TAB3: variants seen among roughly 807,000 people sequenced by gnomAD.
TAB3 encodes the protein TGF-beta-activated kinase 1 and MAP3K7-binding protein 3.
In TAB3, 18 loss-of-function variants were observed where a neutral mutation model predicts 48.1. The ratio of observed to expected loss-of-function variants is 0.37; its 90% confidence interval spans 0.26 to 0.55. The LOEUF (loss-of-function observed/expected upper bound fraction) is 0.55, where lower values mean the gene tolerates loss of function less well. Ranked by LOEUF, TAB3 falls within the 20% of genes least tolerant of loss-of-function variation. The pLI is 0.78. For missense variants in TAB3, 414 were observed against 549.8 expected (o/e 0.75, Z 2.47); for synonymous variants, 185 against 190.2 (o/e 0.97, Z 0.22).
chrX:30,828,033 T>C lies in TAB3; in HGVS notation c.*3394A>G, dbSNP rs1937936523. The C allele has an allele frequency of 8.9e-6, 1 of 112,307 alleles. No homozygotes were observed. 9.3% of individuals were successfully genotyped at this position (112,307 alleles called of 1,213,427 possible). A position where few individuals can be genotyped will look rare whatever the true frequency, so the allele number is the denominator to read the frequency against. On this transcript the variant is annotated 3_prime_UTR_variant, in exon 11 of 11. Coordinates refer to ENST00000288422, the MANE Select transcript of TAB3 (RefSeq NM_152787.5). ...AGATATACAGACACACACGGTAACA[T>C]GGACTCATTCAAGGTCTAACAATGG...
At chrX:30,880,708 G>A (rs1939973533) in intron 1 of TAB3, among the ~76,000 whole-genome samples, 1 of 111,357 alleles carries the variant, frequency 9.0e-6, no homozygotes, top group Non-Finnish European at 1.9e-5. Context: ...AGAAGTACAT[G>A]ACACATTTTT....
intron 4 of TAB3, among the ~76,000 whole-genome samples, chrX:30,861,755 A>G (rs1008815846): frequency 8.9e-6 from 1 of 112,132 alleles, no homozygotes; most frequent in African/African-American, 3.2e-5. Flanking sequence ...AGTCATATGT[A>G]TAATTTTAAA....
In TAB3 at chrX:30,868,340, T is replaced by A. The variant is rs77283332; in HGVS notation, c.-279-791A>T. ...CTTATATATATATATATATAAGCTT[T>A]TATATATATAGCTTATATATATATA... On this transcript the variant is annotated intron_variant, in intron 2 of 10. Transcript: ENST00000288422. Among the ~76,000 whole-genome samples the A allele has an allele frequency of 4.5e-3, 27 of 5,953 alleles. 9 individuals carry two copies. The highest frequency in any genetic ancestry group is 0.024 in the African/African-American group (26 of 1,100). 5.2% of individuals were successfully genotyped at this position (5,953 alleles called of 115,157 possible).
chrX:30,831,570 G>C lies in TAB3; in HGVS notation c.1996C>G (p.Arg666Gly). Residue 666 changes from arginine (R) to glycine (G), a missense_variant, in exon 11 of 11, where the codon CGA (arginine) becomes GGA (glycine). Physicochemically the swap from Arg to Gly is moderately radical, Grantham distance 125. Transcript: ENST00000288422. Reference protein sequence around the residue: ...DTQAAAADEHRTGSTQSPRTQ... With the variant: ...DTQAAAADEHGTGSTQSPRTQ... Reference sequence around the variant, plus strand: ...CGAGGACTTTGTGTGGAGCCAGTTCGATGCTCTGAGGGAGGTTAGGATTAA... The same window carrying C: ...CGAGGACTTTGTGTGGAGCCAGTTCCATGCTCTGAGGGAGGTTAGGATTAA... 1.7e-6 allele frequency: 2 copies of C among 1,210,802 alleles called. No homozygotes were observed. The highest frequency in any genetic ancestry group is 2.2e-6 in the Non-Finnish European group (2 of 895,119).
intron 8 of TAB3, chrX:30,844,969 ACAC>A (rs756736313): frequency 8.9e-6 from 1 of 112,341 alleles, no homozygotes; most frequent in African/African-American, 3.2e-5. Flanking sequence ...TCACAGGCAC[ACAC>A]CACCACACCT....
chrX:30,874,451 G>A (rs1296312940), intron 1 of TAB3, among the ~76,000 whole-genome samples: 1 of 112,027 alleles, frequency 8.9e-6, no homozygotes, highest in Non-Finnish European at 1.9e-5. Flanking sequence ...ATGGTAAAAC[G>A]TATGTAACTG....
chrX:30,841,404 G>GT (rs1322014176), intron 9 of TAB3, among the ~76,000 whole-genome samples: 1 of 79,143 alleles, frequency 1.3e-5, no homozygotes, highest in Non-Finnish European at 2.6e-5. Flanking sequence ...GACAGAGAGA[G>GT]TCTCCATCTC....
intron 1 of TAB3, among the ~76,000 whole-genome samples, chrX:30,886,877 T>G (rs1940146307): frequency 8.9e-6 from 1 of 112,425 alleles, no homozygotes. Flanking sequence ...AAGTGACCAC[T>G]GGCAAGATGT....
Position 30,868,389 on chromosome X carries a change from ATATATATATATATAGCT to A in TAB3, c.-279-857_-279-841del, listed in dbSNP as rs1383143046. Among the ~76,000 whole-genome samples the A allele has an allele frequency of 5.2e-4, 5 of 9,636 alleles. 1 individual carries two copies. The highest frequency in any genetic ancestry group is 3.2e-3 in the Admixed American group (2 of 634). The allele number at this position is 9,636 out of a possible 115,157, so 8.4% of individuals were successfully genotyped here. A position where few individuals can be genotyped will look rare whatever the true frequency, so the allele number is the denominator to read the frequency against. ...TATATAGCTTATATATATATAGCTT[ATATATATATATATAGCT>A]TATATATATATAGCTTATATATATA... On this transcript the variant is annotated intron_variant, in intron 2 of 10. Transcript: ENST00000288422.
At chrX:30,840,329 C>G (rs758723940) in intron 9 of TAB3, among the ~76,000 whole-genome samples, 4 of 111,701 alleles carry the variant, frequency 3.6e-5, no homozygotes, top group Admixed American at 9.6e-5. Flanking sequence ...TCCTGTCTTA[C>G]ATGAGCATTT....
intron 4 of TAB3, among the ~76,000 whole-genome samples, chrX:30,864,986 C>CCAAA (rs752816601): frequency 1.4e-4 from 16 of 111,743 alleles, no homozygotes; most frequent in African/African-American, 4.9e-4. Context: ...GTAGCTGATT[C>CCAAA]CAAACACTGC....
At chrX:30,833,961 A>C in intron 10 of TAB3, 90 bp downstream of exon 10, 1 of 870,218 alleles carries the variant, frequency 1.1e-6, no homozygotes, top group Non-Finnish European at 1.6e-6. Context: ...TTAAAGCAAA[A>C]AATAAAGGTA....
chrX:30,874,578 C>T (rs1281893738), intron 1 of TAB3, among the ~76,000 whole-genome samples: 3 of 111,971 alleles, frequency 2.7e-5, no homozygotes, highest in Admixed American at 1.9e-4. Flanking sequence ...ACAGGCCTAA[C>T]GTAAAATAAT....
At position 30,853,303 on chromosome X, in the gene TAB3, G is replaced by T. The variant is rs771190895; in HGVS notation, c.1550-365C>A. ...TCTGAATAGACTTTTTAAAAACTCT[G>T]TATCTAATTTAGGTCTACTATTAGC... On this transcript the variant is annotated intron_variant, in intron 6 of 10. Transcript: ENST00000288422. Among the ~76,000 whole-genome samples the T allele has an allele frequency of 2.7e-5, 3 of 112,706 alleles. No homozygotes were observed. In the East Asian group the frequency reaches 8.3e-4, roughly 31 times the overall value.
In TAB3 at chrX:30,867,225, G is replaced by T. The variant is rs1177645002; in HGVS notation, c.-194-7C>A. On this transcript the variant is annotated splice_region_variant and splice_polypyrimidine_tract_variant and intron_variant, in intron 3 of 10. Transcript: ENST00000288422. ...GGGTTTCCTGGATGGAATCCTGAAA[G>T]AGGAAAAAAAACATGTTCAGTAAAA... 9.0e-6 allele frequency: 1 copy of T among 111,204 alleles called. No homozygotes were observed. Among genetic ancestry groups the T allele is most frequent in the Non-Finnish European group, 1.9e-5 (1 of 52,922 alleles). 9.2% of individuals were successfully genotyped at this position (111,204 alleles called of 1,213,427 possible).
At chrX:30,831,978 C>T (rs1362887407) in intron 10 of TAB3, among the ~76,000 whole-genome samples, 1 of 111,921 alleles carries the variant, frequency 8.9e-6, no homozygotes, top group Non-Finnish European at 1.9e-5. Context: ...TAGTATAATA[C>T]TATCCACACT....
chrX:30,860,446 T>C (rs1275506407), intron 4 of TAB3, among the ~76,000 whole-genome samples: 1 of 111,806 alleles, frequency 8.9e-6, no homozygotes, highest in Non-Finnish European at 1.9e-5. Context: ...ACATCTTGAC[T>C]GGGTGATCAA....
chrX:30,873,506 C>T lies in TAB3; in HGVS notation c.-382-1705G>A, dbSNP rs187783653. On this transcript the variant is annotated intron_variant, in intron 1 of 10. Coordinates refer to ENST00000288422, the MANE Select transcript of TAB3 (RefSeq NM_152787.5). ...CGCCACAGCACTCCCGCCTGGGCGA[C>T]AGAACGAGACTCCGTCTCAAAAAAA... Among the ~76,000 whole-genome samples the T allele has an allele frequency of 5.7e-3, 535 of 94,456 alleles. 4 individuals are homozygous for T. Among genetic ancestry groups the T allele is most frequent in the African/African-American group, 0.019 (477 of 25,027 alleles). 82.0% of individuals were successfully genotyped at this position (94,456 alleles called of 115,157 possible).
chrX:30,870,868 G>A (rs906070837), intron 2 of TAB3, among the ~76,000 whole-genome samples: 1 of 112,109 alleles, frequency 8.9e-6, no homozygotes, highest in Non-Finnish European at 1.9e-5. Context: ...TGCCAATAGT[G>A]CCAAATCTGC....
Sources: allele counts gnomAD v4.1 joint callset (sites outside exome capture counted in the v4.1 genomes callset), GRCh38; gene constraint gnomAD v4.1.1; transcripts MANE v1.5; gene names NCBI Gene and HGNC (gene_info 2026-07-23, HGNC 2026-07-21).